ERI3: variants seen among roughly 807,000 people sequenced by gnomAD.
The protein encoded by ERI3 is ERI1 exoribonuclease 3.
ERI3 carries 18 observed loss-of-function variants against 44.4 expected under a neutral mutation model. That is an observed-to-expected ratio of 0.41 (90% CI 0.28 to 0.60). The LOEUF is 0.60. Ranked by LOEUF, ERI3 falls within the 20% of genes least tolerant of loss-of-function variation. The pLI is 0.36. For missense variants in ERI3, 294 were observed against 435.5 expected, an observed-to-expected ratio of 0.68 and a Z score of 2.89; for synonymous variants, 183 against 164.8, an observed-to-expected ratio of 1.11 and a Z score of -0.84.
intron 8 of ERI3, among the ~76,000 whole-genome samples, chr1:44,226,265 T>TAC (rs1644035602): frequency 6.6e-6 from 1 of 151,768 alleles, no homozygotes; most frequent in Admixed American, 6.6e-5. Flanking sequence ...AGTGACTGAC[T>TAC]AAAGGGAATC....
chr1:44,281,257 C>T (rs535990221), intron 7 of ERI3, among the ~76,000 whole-genome samples: 104 of 152,174 alleles, frequency 6.8e-4, no homozygotes, highest in Non-Finnish European at 1.4e-3. Flanking sequence ...ATCCCCAGGC[C>T]CTCACACAGT....
At chr1:44,321,442 T>C (rs1431368636) in intron 3 of ERI3, among the ~76,000 whole-genome samples, 2 of 152,212 alleles carry the variant, frequency 1.3e-5, no homozygotes, top group Non-Finnish European at 2.9e-5. Flanking sequence ...GGGACACTCA[T>C]TTCCCAATTC....
Position 44,353,128 on chromosome 1 carries a change from T to C in ERI3, c.136-203A>G. 3.0e-6 allele frequency: 3 copies of C among 985,466 alleles called. No homozygotes were observed. The South Asian group carries it at 1.4e-4, about 46-fold the overall frequency. 61.0% of individuals were successfully genotyped at this position (985,466 alleles called of 1,614,324 possible). A position where few individuals can be genotyped will look rare whatever the true frequency, so the allele number is the denominator to read the frequency against. ...TTCATGTTCTCTAGTCATATACTTT[T>C]GCTCCTAAGGAGGCTCACCTCCTAG... On this transcript the variant is annotated intron_variant, in intron 1 of 8. Transcript: ENST00000372257.
At chr1:44,244,973 C>A (rs1179290605) in intron 8 of ERI3, among the ~76,000 whole-genome samples, 1 of 152,046 alleles carries the variant, frequency 6.6e-6, no homozygotes, top group Non-Finnish European at 1.5e-5. Flanking sequence ...GCTGCCTTAC[C>A]CCCCCAGCCA....
At chr1:44,225,078 A>C (rs1644004511) in intron 8 of ERI3, among the ~76,000 whole-genome samples, 2 of 152,132 alleles carry the variant, frequency 1.3e-5, no homozygotes, top group South Asian at 4.1e-4. Context: ...GTGGCAACAC[A>C]GTCTCTTGGA....
At chr1:44,244,910 G>A (rs548446596) in intron 8 of ERI3, among the ~76,000 whole-genome samples, 3 of 152,236 alleles carry the variant, frequency 2.0e-5, no homozygotes, top group East Asian at 3.9e-4. Flanking sequence ...AGCAGACCCT[G>A]GACATGGCTC....
intron 7 of ERI3, among the ~76,000 whole-genome samples, chr1:44,250,299 G>C (rs146798601): frequency 1.3e-3 from 191 of 152,386 alleles, no homozygotes; most frequent in African/African-American, 4.1e-3. Flanking sequence ...GGACAGGGCA[G>C]CTCAACGTTA....
At chr1:44,254,883 C>T (rs1644751249) in intron 7 of ERI3, among the ~76,000 whole-genome samples, 1 of 151,558 alleles carries the variant, frequency 6.6e-6, no homozygotes, top group South Asian at 2.1e-4. Flanking sequence ...TCCTCAGGCC[C>T]TTGCTCCATC....
intron 7 of ERI3, among the ~76,000 whole-genome samples, chr1:44,254,166 A>T (rs1644737098): frequency 6.6e-6 from 1 of 152,162 alleles, no homozygotes; most frequent in African/African-American, 2.4e-5. Flanking sequence ...TATCTACAAG[A>T]TAACCCAGCC....
At chr1:44,350,858 T>C (rs950860013) in intron 2 of ERI3, among the ~76,000 whole-genome samples, 1 of 152,160 alleles carries the variant, frequency 6.6e-6, no homozygotes, top group Non-Finnish European at 1.5e-5. Flanking sequence ...AGTGCTGAGA[T>C]TATAGGCACG....
chr1:44,265,760 AAGTGAAAGAAGCT>A (rs149232549), intron 7 of ERI3, among the ~76,000 whole-genome samples: 40 of 152,330 alleles, frequency 2.6e-4, no homozygotes, highest in African/African-American at 9.1e-4. Flanking sequence ...AAAATATACT[AAGTGAAAGAAGCT>A]AGTCACAAAA....
At chr1:44,344,866 G>C (rs556826497) in intron 2 of ERI3, among the ~76,000 whole-genome samples, 25 of 152,290 alleles carry the variant, frequency 1.6e-4, no homozygotes, top group Non-Finnish European at 3.1e-4. Flanking sequence ...TCAATATGAA[G>C]GGCCCAGGTC....
rs1644215484 is a variant in ERI3 at position 44,232,749 on chromosome 1, C to T, written c.932-11109G>A. 2.0e-5 allele frequency among the ~76,000 whole-genome samples: 3 copies of T among 152,218 alleles called. No individual in the cohort carries two copies. In the South Asian group the frequency reaches 6.2e-4, roughly 32 times the overall value. ...CCTGCAAGTCCCAGACAACACATTT[C>T]CTTTTGTTTCACCGGCCAGAGCTCA... On this transcript the variant is annotated intron_variant, in intron 8 of 8. Transcript: ENST00000372257.
At chr1:44,238,217 T>C (rs1165054856) in intron 8 of ERI3, among the ~76,000 whole-genome samples, 4 of 151,844 alleles carry the variant, frequency 2.6e-5, no homozygotes, top group East Asian at 1.9e-4. Context: ...CCCTCGTAAA[T>C]TGAGATTTAT....
chr1:44,242,699 C>A (rs1449355911), intron 8 of ERI3, among the ~76,000 whole-genome samples: 2 of 152,214 alleles, frequency 1.3e-5, no homozygotes, highest in East Asian at 3.9e-4. Context: ...GTACCACCCC[C>A]TTTCCTTGCC....
chr1:44,243,190 C>T (rs1644479990), intron 8 of ERI3, among the ~76,000 whole-genome samples: 1 of 152,214 alleles, frequency 6.6e-6, no homozygotes, highest in East Asian at 1.9e-4. Flanking sequence ...TTCTGGGTAG[C>T]AAGCTCTTGA....
chr1:44,302,938 G>A (rs945235133), intron 6 of ERI3, among the ~76,000 whole-genome samples: 1 of 152,196 alleles, frequency 6.6e-6, no homozygotes, highest in Non-Finnish European at 1.5e-5. Context: ...TTCCTCATTT[G>A]TTAAAAAAGG....
In ERI3 at chr1:44,228,503, G is replaced by A. The variant is rs373934796; in HGVS notation, c.932-6863C>T. On this transcript the variant is annotated intron_variant, in intron 8 of 8. Coordinates refer to ENST00000372257, the MANE Select transcript of ERI3 (RefSeq NM_024066.3). This position sits in a 1 kb window ranked among gnomAD's most constrained non-coding sequence, Gnocchi z 4.3. ...AGTTTATCACTTCAGAGAAGTATGCGGACCGAAGATGTTTTTAAAAAAATC... is the reference window on the plus strand; with the variant it reads ...AGTTTATCACTTCAGAGAAGTATGCAGACCGAAGATGTTTTTAAAAAAATC... Among the ~76,000 whole-genome samples the A allele has an allele frequency of 7.9e-5, 12 of 152,220 alleles. No homozygotes were observed. The East Asian group carries it at 1.5e-3, about 20-fold the overall frequency.
At chr1:44,325,927 G>A (rs1572285690) in intron 3 of ERI3, among the ~76,000 whole-genome samples, 1 of 152,328 alleles carries the variant, frequency 6.6e-6, no homozygotes, top group African/African-American at 2.4e-5. Flanking sequence ...GGGATTACAG[G>A]CCAGAGCCAC....
Sources: gnomAD v4.1 joint callset for allele counts (sites outside exome capture counted in the v4.1 genomes callset) on GRCh38, gnomAD v4.1.1 for gene constraint, Gnocchi (gnomAD v3.1) non-coding constraint, MANE v1.5 for transcripts, NCBI Gene and HGNC (gene_info 2026-07-23, HGNC 2026-07-21) for gene names.